The following LRMDA variants were observed in gnomAD, a reference collection of about 807,000 sequenced individuals.
LRMDA encodes leucine rich melanocyte differentiation associated, also known as leucine-rich melanocyte differentiation-associated protein.
Under a neutral mutation model 29.8 loss-of-function variants are expected in LRMDA, and 18 were observed. That is an observed-to-expected ratio of 0.60 (90% CI 0.42 to 0.90). The LOEUF (loss-of-function observed/expected upper bound fraction) is 0.90. LRMDA is among the 40% of genes least tolerant of loss of function. LRMDA has a pLI of 0.00. For missense variants in LRMDA, 273 were observed against 273.9 expected (o/e 1.00, Z 0.02); for synonymous variants, 125 against 109.4 (o/e 1.14, Z -0.89).
chr10:76,501,429 G>T (rs1842908205), intron 6 of LRMDA, among the ~76,000 whole-genome samples: 1 of 151,930 alleles, frequency 6.6e-6, no homozygotes, highest in Non-Finnish European at 1.5e-5. Flanking sequence ...TCCGTTTTAT[G>T]TTCTTTGAGA....
intron 2 of LRMDA, among the ~76,000 whole-genome samples, chr10:75,477,441 AT>A (rs1441922529): frequency 6.6e-6 from 1 of 152,114 alleles, no homozygotes; most frequent in African/African-American, 2.4e-5. Context: ...GAAAGCCCTT[AT>A]TTCTACCTTT....
At chr10:76,064,304 G>T (rs1043939232) in intron 5 of LRMDA, among the ~76,000 whole-genome samples, 1 of 152,100 alleles carries the variant, frequency 6.6e-6, no homozygotes, top group Non-Finnish European at 1.5e-5. Flanking sequence ...AGCATTTCAC[G>T]GGGAGGCAAG....
At chr10:75,576,093 A>C (rs566946141) in intron 2 of LRMDA, among the ~76,000 whole-genome samples, 2 of 152,236 alleles carry the variant, frequency 1.3e-5, no homozygotes, top group South Asian at 4.2e-4. Flanking sequence ...ACCCCCATGA[A>C]AGCCCAGCAA....
At chr10:75,696,608 T>G (rs12266717) in intron 2 of LRMDA, among the ~76,000 whole-genome samples, 6,114 of 152,224 alleles carry the variant, frequency 0.04, 308 homozygotes, top group African/African-American at 0.12. Flanking sequence ...TAATTGAGTA[T>G]AATAATTGAG....
chr10:76,035,344 G>A (rs185442594), intron 2 of LRMDA, among the ~76,000 whole-genome samples: 356 of 152,170 alleles, frequency 2.3e-3, no homozygotes, highest in Admixed American at 5.7e-3. Flanking sequence ...CTCTCAGATC[G>A]GAGTGATTAT....
chr10:75,638,909 C>T (rs1202293409), intron 2 of LRMDA, among the ~76,000 whole-genome samples: 1 of 152,032 alleles, frequency 6.6e-6, no homozygotes, highest in Non-Finnish European at 1.5e-5. Context: ...TTTAATGTTG[C>T]ATAAGTAAGA....
intron 5 of LRMDA, among the ~76,000 whole-genome samples, chr10:76,280,750 T>C (rs556906602): frequency 6.6e-6 from 1 of 152,098 alleles, no homozygotes; most frequent in South Asian, 2.1e-4. Flanking sequence ...TGAAGTTGAG[T>C]GCTGCAAATA....
intron 5 of LRMDA, among the ~76,000 whole-genome samples, chr10:76,283,793 C>A (rs566013698): frequency 3.5e-4 from 53 of 152,208 alleles, no homozygotes; most frequent in Non-Finnish European, 7.4e-4. Context: ...GTATTTCACC[C>A]CACAGCCTGT....
intron 5 of LRMDA, among the ~76,000 whole-genome samples, chr10:76,154,929 G>T (rs1245574745): frequency 2.0e-5 from 3 of 152,072 alleles, no homozygotes; most frequent in African/African-American, 7.2e-5. Context: ...AAAAGAAGGA[G>T]AAAGCATGCT....
intron 2 of LRMDA, among the ~76,000 whole-genome samples, chr10:75,778,461 G>A (rs146013855): frequency 2.2e-4 from 34 of 152,172 alleles, no homozygotes; most frequent in African/African-American, 7.5e-4. Flanking sequence ...ATACTTGCCC[G>A]TTAATTGTGA....
At chr10:76,420,072 A>G (rs1842057000) in intron 6 of LRMDA, among the ~76,000 whole-genome samples, 1 of 152,016 alleles carries the variant, frequency 6.6e-6, no homozygotes, top group Admixed American at 6.6e-5. Context: ...TACTACCCTC[A>G]TAAAAGAAGT....
At chr10:76,367,437 T>C (rs1173956411) in intron 6 of LRMDA, among the ~76,000 whole-genome samples, 3 of 152,112 alleles carry the variant, frequency 2.0e-5, no homozygotes, top group Non-Finnish European at 4.4e-5. Context: ...TTAATTTTTT[T>C]TTTTGAGGTG....
rs1184421033 is a variant in LRMDA, at chr10:76,261,831, T to A, written c.517-62570T>A. Among the ~76,000 whole-genome samples the A allele has an allele frequency of 2.6e-5, 4 of 152,210 alleles. No individual in the cohort carries two copies. The East Asian group carries it at 7.7e-4, about 29-fold the overall frequency. ...CATATAAACTCATTGATGTGCCACA[T>A]GTGCACAATAGGTGGATTATGACTA... On this transcript the variant is annotated intron_variant, in intron 5 of 6. Coordinates refer to ENST00000611255, the MANE Select transcript of LRMDA (RefSeq NM_001305581.2).
intron 6 of LRMDA, among the ~76,000 whole-genome samples, chr10:76,381,602 C>A (rs1435832590): frequency 6.6e-6 from 1 of 152,066 alleles, no homozygotes; most frequent in Non-Finnish European, 1.5e-5. Context: ...TAGACATATA[C>A]CCTCATATCC....
chr10:75,470,494 C>G (rs1373500330), intron 2 of LRMDA, among the ~76,000 whole-genome samples: 1 of 152,178 alleles, frequency 6.6e-6, no homozygotes, highest in African/African-American at 2.4e-5. Context: ...GAGACTCAGT[C>G]TCAAGAAAAC....
intron 6 of LRMDA, among the ~76,000 whole-genome samples, chr10:76,550,473 GC>G (rs1444952977): frequency 8.1e-6 from 1 of 122,774 alleles, no homozygotes; most frequent in Non-Finnish European, 1.7e-5. Context: ...CAGTATCCCC[GC>G]CCCCAACCCC....
chr10:76,047,922 G>A (rs887146785), intron 4 of LRMDA, among the ~76,000 whole-genome samples: 20 of 152,186 alleles, frequency 1.3e-4, no homozygotes, highest in South Asian at 2.1e-4. Flanking sequence ...AATGCTTTTC[G>A]TTCTTCTCTC....
intron 2 of LRMDA, among the ~76,000 whole-genome samples, chr10:75,524,496 A>G (rs1040963863): frequency 1.3e-5 from 2 of 152,138 alleles, no homozygotes; most frequent in South Asian, 2.1e-4. Flanking sequence ...GAGAATATTT[A>G]CAAAACACCT....
chr10:76,369,861 A>T (rs137960356), intron 6 of LRMDA, among the ~76,000 whole-genome samples: 78 of 152,234 alleles, frequency 5.1e-4, no homozygotes, highest in African/African-American at 1.9e-3. Flanking sequence ...GGCTTAACTT[A>T]AGGGTTCCAT....
Sources: allele counts gnomAD v4.1 joint callset (sites outside exome capture counted in the v4.1 genomes callset), GRCh38; gene constraint gnomAD v4.1.1; transcripts MANE v1.5; gene names NCBI Gene and HGNC (gene_info 2026-07-23, HGNC 2026-07-21).